DHPS: variants seen among roughly 807,000 people sequenced by gnomAD.
DHPS encodes the protein migration-inducing gene 13.
In DHPS, 24 loss-of-function variants were observed where a neutral mutation model predicts 38.7. The observed-to-expected ratio is 0.62, with a 90% CI of 0.45 to 0.87. The LOEUF (loss-of-function observed/expected upper bound fraction) is 0.87. DHPS is among the 40% of genes least tolerant of loss of function. The pLI, the probability that DHPS is intolerant of heterozygous loss-of-function variation, is 0.00. For synonymous variants in DHPS, 250 were observed against 204.4 expected (o/e 1.22, Z -1.90); for missense variants, 510 against 497.6 (o/e 1.02, Z -0.24).
At chr19:12,681,248 C>T in intron 1 of DHPS, 4 of 1,283,564 alleles carry the variant, frequency 3.1e-6, no homozygotes, top group Non-Finnish European at 4.0e-6. Context: ...CCTCCCATAT[C>T]CTCCCTTAAT....
downstream of DHPS, chr19:12,675,449 G>T: frequency 6.4e-7 from 1 of 1,554,758 alleles, no homozygotes; most frequent in Non-Finnish European, 8.7e-7. Context: ...ACTGAGATGG[G>T]GGGTGCCCAG....
intron 5 of DHPS, among the ~76,000 whole-genome samples, chr19:12,678,438 G>C (rs780971817): frequency 1.3e-5 from 2 of 152,028 alleles, no homozygotes; most frequent in African/African-American, 2.4e-5. Flanking sequence ...TTGCACTCCA[G>C]CCTGGGAAAC....
At position 12,678,050 on chromosome 19, in the gene DHPS, C is replaced by T. The variant is rs541227506; in HGVS notation, c.679-654G>A. The stretch of plus-strand genomic sequence containing the variant: ...GGTGGATCACCTGAGGTCAGGAGCT[C>T]GACACCAGCCTGACCAACATGGAGA... On this transcript the variant is annotated intron_variant, in intron 5 of 8. Transcript: ENST00000210060. 6.6e-5 allele frequency among the ~76,000 whole-genome samples: 10 copies of T among 150,964 alleles called. No homozygotes were observed. The South Asian group carries it at 1.9e-3, about 28-fold the overall frequency.
At chr19:12,680,349 T>C (rs2024765985) in intron 1 of DHPS, 24 bp from the exon 2 acceptor site, 6 of 1,613,282 alleles carry the variant, frequency 3.7e-6, no homozygotes, top group Admixed American at 1.7e-5. Flanking sequence ...CCAAGTCAAG[T>C]TAAGCACTGG....
chr19:12,673,144 C>T, downstream of DHPS: 1 of 1,611,722 alleles, frequency 6.2e-7, no homozygotes, highest in African/African-American at 1.3e-5. Context: ...TGGGGATCCC[C>T]TTCCCTCCTC....
intron 7 of DHPS, chr19:12,676,763 A>G (rs2024602919): frequency 3.0e-6 from 1 of 331,974 alleles, no homozygotes; most frequent in African/African-American, 2.1e-5. Context: ...CCAGAAGCTC[A>G]ATGCTAGTAC....
At chr19:12,674,117 G>A (rs2024500796), downstream of DHPS, among the ~76,000 whole-genome samples, 1 of 152,220 alleles carries the variant, frequency 6.6e-6, no homozygotes, top group African/African-American at 2.4e-5. Flanking sequence ...GTGGCGGCAG[G>A]TGCGGCAAGA....
rs762783274 is a variant in DHPS at position 12,675,819 on chromosome 19, T to C, written c.*19A>G. The C allele has an allele frequency of 8.9e-6, 14 of 1,577,046 alleles. No individual in the cohort carries two copies. In the Admixed American group the frequency reaches 2.5e-4, roughly 29 times the overall value. ...AATAAATAGAAGAGGGGGTAAGACC[T>C]TCCTGGGACCGCAGCCGCTCAGTCC... On this transcript the variant is annotated 3_prime_UTR_variant, in exon 9 of 9. Transcript: ENST00000210060.
rs758071039 is a variant in DHPS at position 12,681,589 on chromosome 19, C to T, written c.178G>A (p.Gly60Arg). 2.7e-5 allele frequency: 43 copies of T among 1,614,134 alleles called. No homozygotes were observed. The highest frequency in any genetic ancestry group is 1.6e-4 in the Middle Eastern group (1 of 6,084). Reference protein sequence around the residue: ...GTTGFQATNFGRAVQQVNAMI... With the variant: ...GTTGFQATNFRRAVQQVNAMI... ...GCATTGACTTGCTGTACAGCGCGCC[C>T]GAAGTTGGTTGCTTGGAAGCCGGTG... is the stretch of plus-strand genomic sequence containing the variant. The change falls in exon 1 of 9, where the codon GGG (glycine) becomes AGG (arginine). Residue 60 changes from glycine to arginine, a missense_variant. By Grantham distance (125) the Gly-to-Arg change is moderately radical (BLOSUM62 -2). Coordinates refer to ENST00000210060, the MANE Select transcript of DHPS (RefSeq NM_001930.4).
chr19:12,678,428 T>C (rs139155121), intron 5 of DHPS, among the ~76,000 whole-genome samples: 229 of 152,012 alleles, frequency 1.5e-3, no homozygotes, highest in African/African-American at 5.2e-3. Context: ...TATTGTGCCA[T>C]TGCACTCCAG....
chr19:12,673,606 CAG>C (rs775002031), downstream of DHPS, among the ~76,000 whole-genome samples: 42 of 151,948 alleles, frequency 2.8e-4, no homozygotes, highest in Non-Finnish European at 5.9e-4. Flanking sequence ...TTAGTAGAGA[CAG>C]GGTTTCACTA....
intron 7 of DHPS, chr19:12,676,449 C>A: frequency 2.7e-6 from 1 of 367,986 alleles, no homozygotes; most frequent in Non-Finnish European, 5.1e-6. Context: ...GCCTCCTGAT[C>A]CCTGCATGGT....
Position 12,679,488 on chromosome 19 carries a change from T to A in DHPS, c.647A>T (p.Asn216Ile). ...GGCCCAGTAATACACGGACTCTGGG[T>A]TGTTGATCTCCTTGCCCAGCCGGGC... ...MIARLGKEIN[N>I]PESVYYWAQK... Residue 216 changes from asparagine (N) to isoleucine (I), a missense_variant, in exon 5 of 9, where the codon AAC becomes ATC. Transcript: ENST00000210060. 1.2e-6 allele frequency: 2 copies of A among 1,614,154 alleles called. No homozygotes were observed. The highest frequency in any genetic ancestry group is 1.7e-6 in the Non-Finnish European group (2 of 1,180,020).
rs1158337496 is a variant in DHPS at position 12,681,597 on chromosome 19, G to A, written c.170C>T (p.Thr57Ile). Reference protein sequence around the residue: ...EAFGTTGFQATNFGRAVQQVN... With the variant: ...EAFGTTGFQAINFGRAVQQVN... ...TTGCTGTACAGCGCGCCCGAAGTTG[G>A]TTGCTTGGAAGCCGGTGGTGCCGAA... Residue 57 changes from threonine (T) to isoleucine (I), a missense_variant, in exon 1 of 9, where the codon ACC (threonine) becomes ATC (isoleucine). Thr to Ile is a moderately conservative substitution (Grantham distance 89). Transcript: ENST00000210060. The A allele has an allele frequency of 3.7e-6, 6 of 1,614,144 alleles. No homozygotes were observed. The highest frequency in any genetic ancestry group is 1.7e-5 in the Admixed American group (1 of 60,014).
In DHPS at chr19:12,679,699, G is replaced by A. The variant is rs1246513298; in HGVS notation, c.515C>T (p.Pro172Leu). Residue 172 changes from proline to leucine, a missense_variant, in exon 4 of 9, where the codon CCC becomes CTC. Coordinates refer to ENST00000210060, the MANE Select transcript of DHPS (RefSeq NM_001930.4). ...GINRIGNLLVPNENYCKFEDW... is the reference protein window; with the variant it reads ...GINRIGNLLVLNENYCKFEDW... ...CTCAAACTTGCAGTAATTCTCATTG[G>A]GCACCAGCAGGTTTCCGATCCTGAG... 6.2e-7 allele frequency: 1 copy of A among 1,614,156 alleles called. No individual in the cohort carries two copies. The highest frequency in any genetic ancestry group is 2.2e-5 in the East Asian group (1 of 44,878).
At chr19:12,676,272 TC>T in intron 7 of DHPS, 130 bp from the exon 8 acceptor site, 1 of 1,172,996 alleles carries the variant, frequency 8.5e-7, no homozygotes, top group Non-Finnish European at 1.2e-6. Flanking sequence ...AGACATTCGC[TC>T]CCAGACAGGG....
intron 5 of DHPS, 103 bp from the exon 6 acceptor site, chr19:12,677,499 C>G: frequency 1.1e-6 from 1 of 915,042 alleles, no homozygotes; most frequent in Non-Finnish European, 1.7e-6. Context: ...TTCTCTAGGA[C>G]TGTTTCCTCA....
downstream of DHPS, among the ~76,000 whole-genome samples, chr19:12,675,089 G>A (rs1046651728): frequency 7.3e-5 from 11 of 150,754 alleles, no homozygotes; most frequent in African/African-American, 2.2e-4. Context: ...ACTCCAGCCT[G>A]GCGACAGAGC....
chr19:12,673,317 G>A (rs1287509884), downstream of DHPS: 2 of 1,612,632 alleles, frequency 1.2e-6, no homozygotes, highest in African/African-American at 2.7e-5. Flanking sequence ...CCTGGTGGAG[G>A]TGAGGTGCCC....
Sources: gnomAD v4.1 joint callset for allele counts (sites outside exome capture counted in the v4.1 genomes callset) on GRCh38, gnomAD v4.1.1 for gene constraint, MANE v1.5 for transcripts, NCBI Gene and HGNC (gene_info 2026-07-23, HGNC 2026-07-21) for gene names.